Variants in GABRR3 observed in about 807,000 individuals in gnomAD.
GABRR3 encodes gamma-aminobutyric acid type A receptor subunit rho3, also known as gamma-aminobutyric acid receptor subunit rho-3.
Under a neutral mutation model 43.2 loss-of-function variants are expected in GABRR3, and 29 were observed. That is an observed-to-expected ratio of 0.67 (90% CI 0.50 to 0.92). The LOEUF (loss-of-function observed/expected upper bound fraction) is 0.92. GABRR3 is among the 40% of genes least tolerant of loss of function. GABRR3 has a pLI of 0.00. For missense variants in GABRR3, 576 were observed against 572.3 expected (o/e 1.01, Z -0.07); for synonymous variants, 206 against 195.9 (o/e 1.05, Z -0.43).
chr3:98,023,327 A>G (rs1040398225), intron 3 of GABRR3, among the ~76,000 whole-genome samples: 2 of 152,162 alleles, frequency 1.3e-5, no homozygotes, highest in Non-Finnish European at 2.9e-5. Flanking sequence ...CCTGACATGA[A>G]TTAGGGCAGG....
chr3:97,990,211 C>T (rs1015663876), intron 9 of GABRR3, among the ~76,000 whole-genome samples: 7 of 152,202 alleles, frequency 4.6e-5, no homozygotes, highest in Admixed American at 2.6e-4. Context: ...TACTATATCA[C>T]TTGATCATCA....
chr3:97,993,293 G>A (rs1326958385), intron 8 of GABRR3, among the ~76,000 whole-genome samples: 2 of 152,104 alleles, frequency 1.3e-5, no homozygotes, highest in African/African-American at 4.8e-5. Context: ...TCCATTTAAA[G>A]GCTTCACAGA....
chr3:97,986,777 A>G (rs763492104), exon 10 of GABRR3: 8 of 1,609,046 alleles, frequency 5.0e-6, no homozygotes, highest in East Asian at 4.5e-5. Context: ...GTTGTTTTCC[A>G]GAATGATTCT....
chr3:98,004,188 T>A (rs892394453), intron 7 of GABRR3, among the ~76,000 whole-genome samples: 11 of 152,144 alleles, frequency 7.2e-5, no homozygotes, highest in African/African-American at 2.7e-4. Context: ...ATACTCTCTA[T>A]GAAAAGGATC....
chr3:98,018,059 GAA>G (rs1706894966), intron 3 of GABRR3, among the ~76,000 whole-genome samples: 1 of 150,282 alleles, frequency 6.7e-6, no homozygotes, highest in Non-Finnish European at 1.5e-5. Flanking sequence ...ATTTAAAAAG[GAA>G]AAGTGTTTTG....
intron 7 of GABRR3, among the ~76,000 whole-genome samples, chr3:98,005,086 T>G (rs1706707969): frequency 6.6e-6 from 1 of 151,998 alleles, no homozygotes. Flanking sequence ...ATGCCTCCCT[T>G]CGGCATTTTT....
At chr3:98,009,187 G>A (rs539026016) in intron 5 of GABRR3, 149 bp from the exon 6 acceptor site, 1 of 541,998 alleles carries the variant, frequency 1.8e-6, no homozygotes, top group South Asian at 2.1e-5. Context: ...CTGTCCAAAT[G>A]ACATGCAAGG....
intron 2 of GABRR3, among the ~76,000 whole-genome samples, chr3:98,034,259 A>T (rs1707124638): frequency 6.6e-6 from 1 of 152,126 alleles, no homozygotes; most frequent in African/African-American, 2.4e-5. Flanking sequence ...GCCCTAGGCA[A>T]ATTGGTGTAT....
intron 9 of GABRR3, among the ~76,000 whole-genome samples, chr3:97,987,724 A>G (rs1706406232): frequency 6.6e-6 from 1 of 152,184 alleles, no homozygotes; most frequent in Non-Finnish European, 1.5e-5. Flanking sequence ...AAGGGCCCAT[A>G]ATTGAGTTAT....
At chr3:98,003,528 T>C (rs1255957630) in intron 7 of GABRR3, among the ~76,000 whole-genome samples, 1 of 151,266 alleles carries the variant, frequency 6.6e-6, no homozygotes, top group Non-Finnish European at 1.5e-5. Context: ...AACCTGCAGG[T>C]CATGGGGAGT....
chr3:97,990,243 G>A (rs1706445749), intron 9 of GABRR3, among the ~76,000 whole-genome samples: 2 of 152,146 alleles, frequency 1.3e-5, no homozygotes, highest in Non-Finnish European at 2.9e-5. Flanking sequence ...TGAAGTACAT[G>A]GGGAAGAAAT....
intron 7 of GABRR3, among the ~76,000 whole-genome samples, chr3:98,006,075 G>A (rs1706721391): frequency 6.6e-6 from 1 of 151,352 alleles, no homozygotes; most frequent in Admixed American, 6.6e-5. Context: ...ATAAATATAT[G>A]CCTATATTTA....
intron 2 of GABRR3, among the ~76,000 whole-genome samples, chr3:98,030,944 A>T (rs141023902): frequency 1.2e-3 from 183 of 152,368 alleles, no homozygotes; most frequent in African/African-American, 4.1e-3. Flanking sequence ...TGGGAAAATC[A>T]ATTGGTCCAA....
exon 3 of GABRR3, chr3:98,025,600 C>G: frequency 6.2e-7 from 1 of 1,612,340 alleles, no homozygotes; most frequent in Non-Finnish European, 8.5e-7. Context: ...AAATCGTTGT[C>G]CTCTATATGG....
chr3:97,992,050 T>C (rs990598055), intron 9 of GABRR3, among the ~76,000 whole-genome samples: 1 of 152,158 alleles, frequency 6.6e-6, no homozygotes, highest in African/African-American at 2.4e-5. Flanking sequence ...ATATCTTATA[T>C]AAGTTCTTGT....
intron 3 of GABRR3, among the ~76,000 whole-genome samples, chr3:98,024,366 CAAA>C (rs35090836): frequency 2.4e-5 from 1 of 42,466 alleles, no homozygotes; most frequent in Non-Finnish European, 5.1e-5. Flanking sequence ...GACTCCGTCT[CAAA>C]AAAAAAAAAA....
chr3:98,029,679 A>G (rs1707061657), intron 2 of GABRR3, among the ~76,000 whole-genome samples: 1 of 152,180 alleles, frequency 6.6e-6, no homozygotes, highest in South Asian at 2.1e-4. Context: ...TAGTTACCCA[A>G]GGGAGGACAT....
In GABRR3 at chr3:98,004,614, G is replaced by T. The variant is rs533443574; in HGVS notation, c.755-2847C>A. Among the ~76,000 whole-genome samples the T allele has an allele frequency of 5.3e-5, 8 of 151,104 alleles. No homozygotes were observed. The South Asian group carries it at 1.5e-3, about 28-fold the overall frequency. On this transcript the variant is annotated intron_variant, in intron 7 of 9. Transcript: ENST00000621172. ...GATCAGGAGGCAGAAGCCCTCATCT[G>T]CTTGTTAATATTGCCAGGTCGTGGT...
At chr3:98,031,997 G>A (rs1363320365) in intron 2 of GABRR3, among the ~76,000 whole-genome samples, 1 of 152,010 alleles carries the variant, frequency 6.6e-6, no homozygotes, top group Non-Finnish European at 1.5e-5. Flanking sequence ...TTTCCATGGT[G>A]TAAATACTTC....
Sources: allele counts gnomAD v4.1 joint callset (sites outside exome capture counted in the v4.1 genomes callset), GRCh38; gene constraint gnomAD v4.1.1; transcripts MANE v1.5; gene names NCBI Gene and HGNC (gene_info 2026-07-23, HGNC 2026-07-21).